The following TMEM263 variants were observed in gnomAD, a reference collection of about 807,000 sequenced individuals.
The protein encoded by TMEM263 is UPF0444 transmembrane protein C12orf23.
Under a neutral mutation model 8.6 loss-of-function variants are expected in TMEM263, and 5 were observed. That is an observed-to-expected ratio of 0.58 (90% confidence interval 0.31 to 1.23). The LOEUF is 1.23. Ranked by LOEUF, TMEM263 falls within the 50% of genes most tolerant of loss-of-function variation. TMEM263 has a pLI of 0.07. For synonymous variants in TMEM263, 50 were observed against 47.9 expected (o/e 1.04, Z -0.18); for missense variants, 104 against 138.8 (o/e 0.75, Z 1.26).
At position 106,967,159 on chromosome 12, in the gene TMEM263, C is replaced by A; in HGVS notation, c.43C>A (p.Leu15Ile). The A allele has an allele frequency of 6.3e-7, 1 of 1,595,668 alleles. No individual in the cohort carries two copies. The highest frequency in any genetic ancestry group is 1.1e-5 in the South Asian group (1 of 87,896). Residue 15 changes from leucine (L) to isoleucine (I), a missense_variant, in exon 3 of 4, where the codon CTT becomes ATT. Leu to Ile is a conservative substitution (Grantham distance 5, BLOSUM62 2). Coordinates refer to ENST00000280756, the MANE Select transcript of TMEM263 (RefSeq NM_152261.4). Reference sequence around the variant, plus strand: ...AAATCAACAAGAAATCCCATCATACCTTAATGATGAACCACCAGAAGGTAA... The same window carrying A: ...AAATCAACAAGAAATCCCATCATACATTAATGATGAACCACCAGAAGGTAA... ...DKNQQEIPSY[L>I]NDEPPEGSMK... is the part of the protein sequence containing the mutation.
rs1311755950 is a variant in TMEM263 at position 106,973,826 on chromosome 12, T to A, written c.*2435T>A. 6.6e-6 allele frequency: 1 copy of A among 152,650 alleles called. No individual in the cohort carries two copies. Among genetic ancestry groups the A allele is most frequent in the African/African-American group, 2.4e-5 (1 of 41,456 alleles). 9.5% of individuals were successfully genotyped at this position (152,650 alleles called of 1,614,324 possible). A position where few individuals can be genotyped will look rare whatever the true frequency, so the allele number is the denominator to read the frequency against. On this transcript the variant is annotated 3_prime_UTR_variant, in exon 4 of 4. Transcript: ENST00000280756. Reference sequence around the variant, plus strand: ...GGTATTTGGCACAATGAGGATAAACTTATGTGACCCACTTGAATGGCTGAT... The same window carrying A: ...GGTATTTGGCACAATGAGGATAAACATATGTGACCCACTTGAATGGCTGAT...
intron 2 of TMEM263, among the ~76,000 whole-genome samples, chr12:106,958,994 T>C (rs1951734601): frequency 6.6e-6 from 1 of 152,264 alleles, no homozygotes; most frequent in Admixed American, 6.5e-5. Context: ...ATAATTTGTT[T>C]CTTGAATGAT....
chr12:106,971,074 T>A (rs1224763171), intron 3 of TMEM263, 31 bp from the exon 4 acceptor site: 1 of 1,607,164 alleles, frequency 6.2e-7, no homozygotes, highest in Admixed American at 1.7e-5. Flanking sequence ...TGACTTATAT[T>A]TGATTGTCTC....
chr12:106,957,926 C>A (rs1396788829), intron 2 of TMEM263, among the ~76,000 whole-genome samples: 1 of 152,162 alleles, frequency 6.6e-6, no homozygotes, highest in Non-Finnish European at 1.5e-5. Flanking sequence ...ACTAGAAAAA[C>A]ATAAAAACAG....
At chr12:106,957,474 C>T (rs773584908) in intron 2 of TMEM263, among the ~76,000 whole-genome samples, 2 of 151,514 alleles carry the variant, frequency 1.3e-5, no homozygotes, top group Non-Finnish European at 2.9e-5. Flanking sequence ...TTTTTAACTA[C>T]AGGAAAATCT....
intron 3 of TMEM263, among the ~76,000 whole-genome samples, chr12:106,970,797 G>A (rs1951909524): frequency 6.6e-6 from 1 of 152,108 alleles, no homozygotes; most frequent in South Asian, 2.1e-4. Flanking sequence ...TAAAATAAAG[G>A]TTATTTGTTA....
At chr12:106,964,263 G>C (rs1471501861) in intron 2 of TMEM263, among the ~76,000 whole-genome samples, 1 of 152,144 alleles carries the variant, frequency 6.6e-6, no homozygotes, top group Non-Finnish European at 1.5e-5. Context: ...GGCTAGAATT[G>C]TCTTTGATTT....
In TMEM263 at chr12:106,971,555, G is replaced by C. The variant is rs541672101; in HGVS notation, c.*164G>C. ...TCATCTAAAAAGAAGAGACCAATACGAGCACAGTATATGAAGGTTTCTCAT... is the reference window on the plus strand; with the variant it reads ...TCATCTAAAAAGAAGAGACCAATACCAGCACAGTATATGAAGGTTTCTCAT... On this transcript the variant is annotated 3_prime_UTR_variant, in exon 4 of 4. Transcript: ENST00000280756. The C allele has an allele frequency of 1.3e-5, 9 of 677,026 alleles. No individual in the cohort carries two copies. The East Asian group carries it at 2.2e-4, about 17-fold the overall frequency. The allele number at this position is 677,026 out of a possible 1,614,324, so 41.9% of individuals were successfully genotyped here.
chr12:106,959,933 A>C (rs968720883), intron 2 of TMEM263, among the ~76,000 whole-genome samples: 3 of 152,240 alleles, frequency 2.0e-5, no homozygotes, highest in East Asian at 3.8e-4. Flanking sequence ...ATTAATTAAA[A>C]ATTAGTAATA....
At chr12:106,966,132 C>G (rs1271895421) in intron 2 of TMEM263, among the ~76,000 whole-genome samples, 1 of 152,172 alleles carries the variant, frequency 6.6e-6, no homozygotes, top group African/African-American at 2.4e-5. Flanking sequence ...GACCCTTACT[C>G]TCTTTCCACT....
rs1951789933 is a variant in TMEM263 at position 106,962,364 on chromosome 12, A to T, written c.-6-4747A>T. 2.6e-5 allele frequency among the ~76,000 whole-genome samples: 4 copies of T among 152,162 alleles called. No individual in the cohort carries two copies. In the South Asian group the frequency reaches 8.3e-4, roughly 32 times the overall value. ...CATTAGCATATTTCTGTAGTATTTG[A>T]TCATAAATTATTTTCACATCTGCAT... On this transcript the variant is annotated intron_variant, in intron 2 of 3. Coordinates refer to ENST00000280756, the MANE Select transcript of TMEM263 (RefSeq NM_152261.4).
intron 2 of TMEM263, among the ~76,000 whole-genome samples, chr12:106,963,664 T>G (rs1009114701): frequency 3.3e-5 from 5 of 152,314 alleles, no homozygotes; most frequent in African/African-American, 1.2e-4. Context: ...ACTCTGCTCA[T>G]GGGTTCTTAA....
At position 106,971,173 on chromosome 12, in the gene TMEM263, G is replaced by A; in HGVS notation, c.133G>A (p.Val45Ile). The A allele has an allele frequency of 6.2e-7, 1 of 1,614,246 alleles. No individual in the cohort carries two copies. The highest frequency in any genetic ancestry group is 8.5e-7 in the Non-Finnish European group (1 of 1,180,040). Residue 45 changes from valine to isoleucine, a missense_variant, in exon 4 of 4, where the codon GTT becomes ATT. By Grantham distance (29) the Val-to-Ile change is conservative (BLOSUM62 3). Coordinates refer to ENST00000280756, the MANE Select transcript of TMEM263 (RefSeq NM_152261.4). The stretch of plus-strand genomic sequence containing the variant: ...CCGTGTGACTGGGGGTATCTTCAGT[G>A]TTACAAAGGGAGCTGTTGGTGCCAC... ...LSRVTGGIFS[V>I]TKGAVGATIG...
intron 3 of TMEM263, 75 bp from the exon 4 acceptor site, chr12:106,971,030 A>C (rs910575443): frequency 3.1e-5 from 46 of 1,480,516 alleles, no homozygotes; most frequent in Non-Finnish European, 4.2e-5. Flanking sequence ...GTCTTAGGTT[A>C]CTTAATGATG....
chr12:106,967,785 A>C (rs576305069), intron 3 of TMEM263, among the ~76,000 whole-genome samples: 3 of 152,330 alleles, frequency 2.0e-5, no homozygotes, highest in South Asian at 4.1e-4. Flanking sequence ...GGATGGATAC[A>C]GAGGAAGGAT....
At chr12:106,965,448 A>T (rs966874303) in intron 2 of TMEM263, among the ~76,000 whole-genome samples, 1 of 151,988 alleles carries the variant, frequency 6.6e-6, no homozygotes, top group Non-Finnish European at 1.5e-5. Context: ...CTCTACTAAA[A>T]ATACAAAAAT....
In TMEM263 at chr12:106,971,287, G is replaced by C. The variant is rs773382580; in HGVS notation, c.247G>C (p.Val83Leu). 3 of 1,614,240 alleles carry C rather than the reference G, an allele frequency of 1.9e-6. No individual in the cohort carries two copies. The highest frequency in any genetic ancestry group is 2.2e-5 in the South Asian group (2 of 91,082). ...TTVPSMGIGL[V>L]KGGVSAVAGG... ...TGTGCCTTCCATGGGAATAGGGCTG[G>C]TGAAAGGGGGTGTCTCTGCTGTGGC... Residue 83 changes from valine (V) to leucine (L), a missense_variant, in exon 4 of 4, where the codon GTG becomes CTG. Physicochemically the swap from Val to Leu is conservative, Grantham distance 32. Coordinates refer to ENST00000280756, the MANE Select transcript of TMEM263 (RefSeq NM_152261.4).
At position 106,973,446 on chromosome 12, in the gene TMEM263, T is replaced by C. The variant is rs1053050; in HGVS notation, c.*2055T>C. Reference sequence around the variant, plus strand: ...GCTTGCATATTTATTTTCAACTTTGTTTGTCTTTAAAATTGCTTGAGGAAA... The same window carrying C: ...GCTTGCATATTTATTTTCAACTTTGCTTGTCTTTAAAATTGCTTGAGGAAA... On this transcript the variant is annotated 3_prime_UTR_variant, in exon 4 of 4. Coordinates refer to ENST00000280756, the MANE Select transcript of TMEM263 (RefSeq NM_152261.4). 0.65 allele frequency: 99,374 copies of C among 151,832 alleles called. 34,410 individuals are homozygous for C. The highest frequency in any genetic ancestry group is 0.88 in the African/African-American group (36,543 of 41,348). 9.4% of individuals were successfully genotyped at this position (151,832 alleles called of 1,614,324 possible).
chr12:106,964,022 C>T (rs1361026221), intron 2 of TMEM263, among the ~76,000 whole-genome samples: 1 of 152,056 alleles, frequency 6.6e-6, no homozygotes, highest in African/African-American at 2.4e-5. Flanking sequence ...ATTGCCCAGC[C>T]AAGTGATCTC....
Sources: gnomAD v4.1 joint callset for allele counts (sites outside exome capture counted in the v4.1 genomes callset) on GRCh38, gnomAD v4.1.1 for gene constraint, MANE v1.5 for transcripts, NCBI Gene and HGNC (gene_info 2026-07-23, HGNC 2026-07-21) for gene names.